Variants in MAP4 observed in about 807,000 individuals in gnomAD.
MAP4 encodes the protein microtubule-associated protein 4.
In MAP4, 76 loss-of-function variants were observed where a neutral mutation model predicts 170.2. The ratio of observed to expected loss-of-function variants is 0.45; its 90% CI spans 0.37 to 0.54. The LOEUF is 0.54. MAP4 is among the 20% of genes least tolerant of loss of function. MAP4 has a pLI of 0.00. For missense variants in MAP4, 2,506 were observed against 2,748.0 expected, an observed-to-expected ratio of 0.91 and a Z score of 1.97; for synonymous variants, 909 against 994.5, an observed-to-expected ratio of 0.91 and a Z score of 1.62.
intron 3 of MAP4, among the ~76,000 whole-genome samples, chr3:47,966,644 C>T (rs1017433831): frequency 1.3e-4 from 20 of 152,158 alleles, no homozygotes; most frequent in South Asian, 2.1e-4. Context: ...CCTCCCAAAG[C>T]GCTGGGATTA....
At chr3:48,049,422 C>T (rs1212395057) in intron 1 of MAP4, among the ~76,000 whole-genome samples, 4 of 148,176 alleles carry the variant, frequency 2.7e-5, no homozygotes, top group African/African-American at 1.0e-4. Context: ...GAGTCTGAGA[C>T]CAGTCTGAGT....
chr3:47,943,497 A>T (rs1020323916), intron 3 of MAP4, among the ~76,000 whole-genome samples: 2 of 152,128 alleles, frequency 1.3e-5, no homozygotes, highest in African/African-American at 4.8e-5. Context: ...CTGTAATCAC[A>T]GCCACTGAGA....
chr3:47,929,919 A>G (rs1454793954), intron 3 of MAP4, among the ~76,000 whole-genome samples: 1 of 150,812 alleles, frequency 6.6e-6, no homozygotes, highest in Non-Finnish European at 1.5e-5. Context: ...ACCTGAAGTT[A>G]GGAATTCAAG....
At chr3:48,082,783 G>A (rs973882296) in intron 1 of MAP4, among the ~76,000 whole-genome samples, 3 of 136,668 alleles carry the variant, frequency 2.2e-5, no homozygotes, top group Non-Finnish European at 4.6e-5. Flanking sequence ...GGGCAACAGA[G>A]CAAGACTTTG....
Position 47,864,874 on chromosome 3 carries a change from C to G in MAP4, c.6501+2372G>C, listed in dbSNP as rs766700388. On this transcript the variant is annotated intron_variant, in intron 17 of 20. Transcript: ENST00000683076. ...AGAGCAAGACTTTTTTTTGTAGAGA[C>G]GGGGGTCTTACTATGGTGCCCAGCT... Among the ~76,000 whole-genome samples the G allele has an allele frequency of 2.0e-5, 3 of 151,878 alleles. No homozygotes were observed. The East Asian group carries it at 5.8e-4, about 29-fold the overall frequency.
At chr3:47,900,544 T>C (rs2100029447) in intron 10 of MAP4, among the ~76,000 whole-genome samples, 1 of 152,100 alleles carries the variant, frequency 6.6e-6, no homozygotes, top group Admixed American at 6.6e-5. Context: ...GAGACTAGCC[T>C]GGCCAACATG....
intron 2 of MAP4, among the ~76,000 whole-genome samples, chr3:47,995,712 C>A (rs1270168147): frequency 1.3e-5 from 2 of 152,156 alleles, no homozygotes; most frequent in East Asian, 3.9e-4. Flanking sequence ...TCACTCCCAC[C>A]CTAACAACAA....
At chr3:47,908,075 C>A (rs1402532602) in intron 9 of MAP4, among the ~76,000 whole-genome samples, 1 of 151,952 alleles carries the variant, frequency 6.6e-6, no homozygotes, top group African/African-American at 2.4e-5. Flanking sequence ...GAGTTAGTAG[C>A]TACATCATGC....
chr3:47,857,515 G>T lies in MAP4; in HGVS notation c.6502-3C>A. 1 of 1,604,766 alleles carries T rather than the reference G, an allele frequency of 6.2e-7. No individual in the cohort carries two copies. Among genetic ancestry groups the T allele is most frequent in the Non-Finnish European group, 8.5e-7 (1 of 1,172,210 alleles). ...ACTTTCTTGTTCTGAATCTGAACCT[G>T]AAGAGAAGGACACAAAAGACTCATT... On this transcript the variant is annotated splice_polypyrimidine_tract_variant and splice_region_variant and intron_variant, in intron 17 of 20. Transcript: ENST00000683076.
At chr3:47,920,891 C>T (rs952323605) in intron 5 of MAP4, among the ~76,000 whole-genome samples, 4 of 152,162 alleles carry the variant, frequency 2.6e-5, no homozygotes, top group Non-Finnish European at 4.4e-5. Context: ...GGTGCAAAGG[C>T]TCACGCCTGT....
chr3:47,883,635 A>C (rs2097141321), intron 10 of MAP4, among the ~76,000 whole-genome samples: 1 of 152,212 alleles, frequency 6.6e-6, no homozygotes, highest in African/African-American at 2.4e-5. Flanking sequence ...CCATTCTCTA[A>C]GGGTATGTCT....
chr3:48,057,473 G>A (rs1410508237), intron 1 of MAP4, among the ~76,000 whole-genome samples: 7 of 130,130 alleles, frequency 5.4e-5, no homozygotes, highest in Non-Finnish European at 9.8e-5. Context: ...CAAACACTGC[G>A]GAAGGCCGCA....
chr3:47,887,071 C>G (rs746088697), intron 10 of MAP4, among the ~76,000 whole-genome samples: 2 of 152,246 alleles, frequency 1.3e-5, no homozygotes, highest in South Asian at 2.1e-4. Context: ...CGCTTGCTCT[C>G]GGCGCCTCCT....
chr3:48,083,976 C>T (rs540642595), intron 1 of MAP4, among the ~76,000 whole-genome samples: 23 of 152,114 alleles, frequency 1.5e-4, no homozygotes, highest in African/African-American at 5.5e-4. Flanking sequence ...CCCCCTGCCT[C>T]GGCCTCCCAA....
chr3:47,968,133 A>C (rs916479676), intron 3 of MAP4, among the ~76,000 whole-genome samples: 2 of 152,196 alleles, frequency 1.3e-5, no homozygotes, highest in African/African-American at 2.4e-5. Context: ...AGCTAACAGA[A>C]CTTGAGCAAA....
intron 1 of MAP4, among the ~76,000 whole-genome samples, chr3:48,062,445 T>C (rs1166878882): frequency 1.5e-5 from 2 of 131,616 alleles, no homozygotes; most frequent in Admixed American, 8.8e-5. Context: ...ACTATTGTCC[T>C]ATGACCCTGC....
chr3:47,855,499 G>A lies in MAP4; in HGVS notation c.6584-139C>T, dbSNP rs2054008782. Reference sequence around the variant, plus strand: ...GTGGCAAATGAAGAACAGTGAACACGTTTGTCTAAAGAGGACTTCTCATAT... The same window carrying A: ...GTGGCAAATGAAGAACAGTGAACACATTTGTCTAAAGAGGACTTCTCATAT... On this transcript the variant is annotated intron_variant, in intron 18 of 20. Coordinates refer to ENST00000683076, the MANE Select transcript of MAP4 (RefSeq NM_001385682.1). This position sits in a 1 kb window ranked among gnomAD's most constrained non-coding sequence, Gnocchi z 5.1. The A allele has an allele frequency of 1.1e-5, 7 of 653,710 alleles. No individual in the cohort carries two copies. Among genetic ancestry groups the A allele is most frequent in the Admixed American group, 2.3e-5 (1 of 44,020 alleles). 40.5% of individuals were successfully genotyped at this position (653,710 alleles called of 1,614,324 possible).
rs1415728966 is a variant in MAP4, at chr3:47,959,869, T to C, written c.292+17996A>G. On this transcript the variant is annotated intron_variant, in intron 3 of 20. Coordinates refer to ENST00000683076, the MANE Select transcript of MAP4 (RefSeq NM_001385682.1). Reference sequence around the variant, plus strand: ...AATATAAATGGAGTTTTGGCCATTTTTATTTTTTTTTGAGATGAAGTCTTG... The same window carrying C: ...AATATAAATGGAGTTTTGGCCATTTCTATTTTTTTTTGAGATGAAGTCTTG... 2.0e-5 allele frequency among the ~76,000 whole-genome samples: 3 copies of C among 152,236 alleles called. No homozygotes were observed. The South Asian group carries it at 6.2e-4, about 32-fold the overall frequency.
At chr3:48,081,269 A>G (rs1420192076) in intron 1 of MAP4, among the ~76,000 whole-genome samples, 1 of 151,952 alleles carries the variant, frequency 6.6e-6, no homozygotes, top group Non-Finnish European at 1.5e-5. Context: ...CAGCCTGGGA[A>G]ACAGCGAGAC....
Sources: gnomAD v4.1 joint callset for allele counts (sites outside exome capture counted in the v4.1 genomes callset) on GRCh38, gnomAD v4.1.1 for gene constraint, Gnocchi (gnomAD v3.1) non-coding constraint, MANE v1.5 for transcripts, NCBI Gene and HGNC (gene_info 2026-07-23, HGNC 2026-07-21) for gene names.